The following RIOK2 variants were observed in gnomAD, a reference collection of about 807,000 sequenced individuals.
RIOK2 encodes serine/threonine-protein kinase RIO2.
RIOK2 carries 46 observed loss-of-function variants against 62.4 expected under a neutral mutation model. That is an observed-to-expected ratio of 0.74 (90% CI 0.58 to 0.94). RIOK2 has a LOEUF of 0.94. RIOK2 is among the 40% of genes least tolerant of loss of function. The pLI is 0.00. For synonymous variants in RIOK2, 197 were observed against 216.0 expected (o/e 0.91, Z 0.77); for missense variants, 574 against 658.0 (o/e 0.87, Z 1.40).
chr5:97,177,801 A>G lies in RIOK2; in HGVS notation c.253T>C (p.Leu85=), dbSNP rs1749210744. The G allele has an allele frequency of 6.2e-7, 1 of 1,613,620 alleles. No homozygotes were observed. ...LTNAGYDYLA[L]KTLSSRQVVE... ...ACTTGCCTAGAAGAAAGTGTTTTCA[A>G]AGCTAGGTAATCATATCCTGCATTT... The change falls in exon 3 of 10, where the codon TTG becomes CTG. Residue 85 remains leucine, a synonymous_variant. Coordinates refer to ENST00000283109, the MANE Select transcript of RIOK2 (RefSeq NM_018343.3).
rs1259690255 is a variant in RIOK2 at position 97,162,542 on chromosome 5, CAATT to C, written c.*515_*518del. ...AAGTGGCACAAAACAGATTATTAAT[CAATT>C]AATTAAGCAAATTGTGCATCACTGG... On this transcript the variant is annotated 3_prime_UTR_variant, in exon 10 of 10. Coordinates refer to ENST00000283109, the MANE Select transcript of RIOK2 (RefSeq NM_018343.3). 1 of 152,702 alleles carries C rather than the reference CAATT, an allele frequency of 6.5e-6. No homozygotes were observed. Among genetic ancestry groups the C allele is most frequent in the African/African-American group, 2.4e-5 (1 of 41,432 alleles). The allele number at this position is 152,702 out of a possible 1,614,324, so 9.5% of individuals were successfully genotyped here.
In RIOK2 at chr5:97,183,091, A is replaced by AG. The variant is rs760280252; in HGVS notation, c.66+34dup. ...AACAGGAAGAGGTCACACAGTGTTAAGGGGAAGGGAGAACAGGAACGGCGG... is the reference window on the plus strand; with the variant it reads ...AACAGGAAGAGGTCACACAGTGTTAAGGGGGAAGGGAGAACAGGAACGGCGG... On this transcript the variant is annotated intron_variant, in intron 1 of 9. Coordinates refer to ENST00000283109, the MANE Select transcript of RIOK2 (RefSeq NM_018343.3). 8.7e-6 allele frequency: 14 copies of AG among 1,610,330 alleles called. No homozygotes were observed. In the South Asian group the frequency reaches 1.5e-4, roughly 18 times the overall value.
chr5:97,177,075 A>C, intron 4 of RIOK2, 41 bp downstream of exon 4: 1 of 1,543,628 alleles, frequency 6.5e-7, no homozygotes, highest in East Asian at 2.3e-5. Context: ...CACATGTATT[A>C]TTTGGCTAAA....
chr5:97,166,897 T>A, intron 8 of RIOK2: 1 of 978,586 alleles, frequency 1.0e-6, no homozygotes, highest in Non-Finnish European at 1.2e-6. Context: ...TGCAATAATT[T>A]TAAAATCATC....
rs540367125 is a variant in RIOK2 at position 97,181,629 on chromosome 5, A to C, written c.66+1497T>G. Among the ~76,000 whole-genome samples the C allele has an allele frequency of 4.6e-5, 7 of 152,374 alleles. No homozygotes were observed. In the South Asian group the frequency reaches 1.4e-3, roughly 32 times the overall value. On this transcript the variant is annotated intron_variant, in intron 1 of 9. Coordinates refer to ENST00000283109, the MANE Select transcript of RIOK2 (RefSeq NM_018343.3). ...ACTAAGTCATTTCTTGGTGAACTTT[A>C]CAAATAATTTAAATATTGCAGCGCC...
At position 97,163,028 on chromosome 5, in the gene RIOK2, A is replaced by T; in HGVS notation, c.*33T>A. 1 of 1,544,964 alleles carries T rather than the reference A, an allele frequency of 6.5e-7. No homozygotes were observed. Among genetic ancestry groups the T allele is most frequent in the Non-Finnish European group, 8.8e-7 (1 of 1,140,466 alleles). On this transcript the variant is annotated 3_prime_UTR_variant, in exon 10 of 10. Transcript: ENST00000283109. ...AAAAGGAATTACAGTAACTTTAAAA[A>T]ATATATTAAACATATCCAAGATCCT...
chr5:97,165,292 G>A (rs1024518043), intron 8 of RIOK2, 145 bp from the exon 9 acceptor site: 18 of 415,324 alleles, frequency 4.3e-5, no homozygotes, highest in Admixed American at 1.3e-4. Context: ...AAATTTCTGT[G>A]AAGATAAAAC....
chr5:97,176,774 A>G (rs1016650311), intron 4 of RIOK2, among the ~76,000 whole-genome samples: 1 of 152,256 alleles, frequency 6.6e-6, no homozygotes. Flanking sequence ...AGAAACAGAC[A>G]TATGTATAGT....
intron 5 of RIOK2, among the ~76,000 whole-genome samples, chr5:97,171,703 C>T (rs72777619): frequency 4.1e-4 from 63 of 152,234 alleles, no homozygotes; most frequent in South Asian, 1.5e-3. Flanking sequence ...CTTTTTATAA[C>T]GTTAACACTA....
chr5:97,182,892 G>A, intron 1 of RIOK2: 1 of 523,522 alleles, frequency 1.9e-6, no homozygotes, highest in Non-Finnish European at 3.5e-6. Flanking sequence ...AATAGCAGCA[G>A]AAAAGAAAAC....
chr5:97,177,649 AAAATT>A (rs1255321863), intron 3 of RIOK2, 78 bp downstream of exon 3: 11 of 866,472 alleles, frequency 1.3e-5, no homozygotes, highest in Non-Finnish European at 2.0e-5. Context: ...GAAAAAAGGG[AAAATT>A]AAAAGAGGAA....
Position 97,179,139 on chromosome 5 carries a change from T to C in RIOK2, c.121A>G (p.Ile41Val), listed in dbSNP as rs759607455. 1.9e-6 allele frequency: 3 copies of C among 1,613,980 alleles called. No homozygotes were observed. The South Asian group carries it at 3.3e-5, about 18-fold the overall frequency. Residue 41 changes from isoleucine to valine, a missense_variant, in exon 2 of 10, where the codon ATA (isoleucine) becomes GTA (valine). By Grantham distance (29) the Ile-to-Val change is conservative. Transcript: ENST00000283109. ...EIVPGSLIAS[I>V]ASLKHGGCNK... is the part of the protein sequence containing the mutation. ...CAGCCACCATGTTTAAGGCTGGCTA[T>C]AGAAGCAATCAAACTGCCGGGAACA... is the stretch of plus-strand genomic sequence containing the variant.
intron 1 of RIOK2, among the ~76,000 whole-genome samples, chr5:97,180,004 T>TTA (rs1451593924): frequency 2.7e-5 from 1 of 36,692 alleles, no homozygotes; most frequent in East Asian, 7.5e-4. Context: ...TATATATATA[T>TTA]TATATATATA....
At chr5:97,168,719 T>C in intron 7 of RIOK2, 41 bp downstream of exon 7, 1 of 1,208,696 alleles carries the variant, frequency 8.3e-7, no homozygotes, top group Non-Finnish European at 1.2e-6. Context: ...AGACCAGATA[T>C]TTAAACTGTT....
At chr5:97,166,923 A>C in intron 8 of RIOK2, 1 of 959,872 alleles carries the variant, frequency 1.0e-6, no homozygotes, top group Non-Finnish European at 1.2e-6. Flanking sequence ...GTATATATAT[A>C]TATATTTTTG....
intron 4 of RIOK2, among the ~76,000 whole-genome samples, chr5:97,173,635 T>C (rs1443864388): frequency 1.3e-5 from 2 of 152,214 alleles, no homozygotes; most frequent in African/African-American, 4.8e-5. Flanking sequence ...TTTGTAAGTC[T>C]CTGACATTTG....
Position 97,165,094 on chromosome 5 carries a change from A to G in RIOK2, c.1451T>C (p.Ile484Thr). The change falls in exon 9 of 10, where the codon ATC becomes ACC. Residue 484 changes from isoleucine (I) to threonine (T), a missense_variant. Ile to Thr is a moderately conservative substitution (Grantham distance 89). Transcript: ENST00000283109. ...MNQYRTRTLS[I>T]TSSGSAVSCS... ...GCTTACAGCACTGCCTGAAGAAGTG[A>G]TACTCAGAGTTCTTGTTCTATACTG... 6.3e-7 allele frequency: 1 copy of G among 1,586,512 alleles called. No individual in the cohort carries two copies. Among genetic ancestry groups the G allele is most frequent in the East Asian group, 2.3e-5 (1 of 43,852 alleles).
intron 1 of RIOK2, 132 bp downstream of exon 1, chr5:97,182,989 CTCTCT>C (rs1749465364): frequency 7.6e-6 from 7 of 921,016 alleles, no homozygotes; most frequent in Middle Eastern, 2.1e-4. Flanking sequence ...TTTCTGAATG[CTCTCT>C]TCTCCATTCC....
intron 1 of RIOK2, among the ~76,000 whole-genome samples, chr5:97,179,826 A>AGG (rs1749287934): frequency 1.5e-5 from 1 of 65,212 alleles, no homozygotes; most frequent in Non-Finnish European, 2.9e-5. Context: ...GTGGGGGGCT[A>AGG]GGGGAGGGAT....
Sources: gnomAD v4.1 joint callset for allele counts (sites outside exome capture counted in the v4.1 genomes callset) on GRCh38, gnomAD v4.1.1 for gene constraint, MANE v1.5 for transcripts, NCBI Gene and HGNC (gene_info 2026-07-23, HGNC 2026-07-21) for gene names.